PLSCR2: variants seen among roughly 807,000 people sequenced by gnomAD.
PLSCR2 encodes the protein PL scramblase 2.
PLSCR2 carries 18 observed loss-of-function variants against 25.3 expected under a neutral mutation model. The observed-to-expected ratio is 0.71, with a 90% confidence interval of 0.49 to 1.06. The LOEUF is 1.06. PLSCR2 is among the 50% of genes least tolerant of loss of function. The probability of loss-of-function intolerance (pLI) is 0.00; values close to 1 mark genes in which losing one functional copy is unlikely to be tolerated. For missense variants in PLSCR2, 243 were observed against 269.5 expected (o/e 0.90, Z 0.69); for synonymous variants, 88 against 87.3 (o/e 1.01, Z -0.04).
At chr3:146,441,312 AT>A (rs925646526), downstream of PLSCR2, among the ~76,000 whole-genome samples, 4 of 152,088 alleles carry the variant, frequency 2.6e-5, no homozygotes, top group African/African-American at 9.7e-5. Flanking sequence ...AATTGTGTCA[AT>A]TTTTAAGTTG....
chr3:146,494,158 T>C (rs2043662090), intron 1 of PLSCR2, among the ~76,000 whole-genome samples: 1 of 152,098 alleles, frequency 6.6e-6, no homozygotes, highest in Admixed American at 6.5e-5. Context: ...GTTTTGACCA[T>C]TTTTACCTGG....
chr3:146,475,215 G>A (rs572695495), intron 1 of PLSCR2, among the ~76,000 whole-genome samples: 2 of 152,146 alleles, frequency 1.3e-5, no homozygotes, highest in South Asian at 2.1e-4. Context: ...GGGGGGAGAA[G>A]AGGCACTCTG....
Position 146,477,713 on chromosome 3 carries a change from A to G in PLSCR2, c.-292-17429T>C, listed in dbSNP as rs565070243. Among the ~76,000 whole-genome samples the G allele has an allele frequency of 2.0e-5, 3 of 152,352 alleles. No homozygotes were observed. The East Asian group carries it at 5.8e-4, about 29-fold the overall frequency. ...TGCAGACTTAAACACCCTGTCTGAC[A>G]GCTCTGAAGAGAGCAGTGGTTCTCC... On this transcript the variant is annotated intron_variant, in intron 1 of 8. Transcript: ENST00000336685.
chr3:146,431,226 A>G (rs560408716), downstream of PLSCR2, among the ~76,000 whole-genome samples: 11 of 152,322 alleles, frequency 7.2e-5, no homozygotes, highest in South Asian at 2.1e-3. Flanking sequence ...CCCCTCACTA[A>G]GCCACTTAAG....
chr3:146,423,692 C>A (rs778527884), intron 2 of PLSCR2, among the ~76,000 whole-genome samples: 2 of 151,976 alleles, frequency 1.3e-5, no homozygotes, highest in East Asian at 1.9e-4. Context: ...GGTGGACCAA[C>A]GTAATTCCAA....
At chr3:146,479,570 A>G (rs560730887) in intron 1 of PLSCR2, among the ~76,000 whole-genome samples, 1 of 152,330 alleles carries the variant, frequency 6.6e-6, no homozygotes, top group South Asian at 2.1e-4. Flanking sequence ...CACCCAGTAC[A>G]GGAGCATTCA....
intron 3 of PLSCR2, among the ~76,000 whole-genome samples, chr3:146,457,158 TAATGA>T (rs1440045688): frequency 6.6e-6 from 1 of 152,238 alleles, no homozygotes; most frequent in Admixed American, 6.5e-5. Context: ...TTGTATATGT[TAATGA>T]AATTCATTAC....
intron 1 of PLSCR2, among the ~76,000 whole-genome samples, chr3:146,486,637 G>A (rs1484049076): frequency 1.3e-5 from 2 of 151,802 alleles, no homozygotes; most frequent in Non-Finnish European, 2.9e-5. Flanking sequence ...TTGAATCCTT[G>A]AATAGACCAA....
intron 1 of PLSCR2, among the ~76,000 whole-genome samples, chr3:146,489,268 A>T (rs967846479): frequency 6.6e-6 from 1 of 152,068 alleles, no homozygotes; most frequent in Non-Finnish European, 1.5e-5. Context: ...CATGGCACAC[A>T]TTTACCTATG....
intron 1 of PLSCR2, among the ~76,000 whole-genome samples, chr3:146,469,952 G>A (rs1437571933): frequency 6.6e-6 from 1 of 152,104 alleles, no homozygotes; most frequent in Non-Finnish European, 1.5e-5. Flanking sequence ...AAATCATCAG[G>A]CGGGGAGTGG....
intron 2 of PLSCR2, among the ~76,000 whole-genome samples, chr3:146,399,012 C>A (rs2038372130): frequency 6.6e-6 from 1 of 151,866 alleles, no homozygotes; most frequent in East Asian, 1.9e-4. Context: ...GATGTTAGAG[C>A]CCCCTGAGCT....
At chr3:146,481,317 T>G (rs140599964) in intron 1 of PLSCR2, among the ~76,000 whole-genome samples, 4,899 of 152,288 alleles carry the variant, frequency 0.032, 231 homozygotes, top group African/African-American at 0.1. Flanking sequence ...ATGACATGAT[T>G]GTATATTTGG....
chr3:146,416,843 C>G (rs181519184), intron 2 of PLSCR2, among the ~76,000 whole-genome samples: 1 of 152,294 alleles, frequency 6.6e-6, no homozygotes, highest in Non-Finnish European at 1.5e-5. Context: ...AGTACAAGTA[C>G]TAGTTAATAC....
At chr3:146,440,443 G>A (rs150314769), downstream of PLSCR2, among the ~76,000 whole-genome samples, 575 of 152,324 alleles carry the variant, frequency 3.8e-3, 5 homozygotes, top group African/African-American at 0.013. Context: ...CTTCTTGGCT[G>A]CTTTGTTTAC....
intron 3 of PLSCR2, among the ~76,000 whole-genome samples, chr3:146,392,503 T>C (rs1298508895): frequency 6.6e-6 from 1 of 152,060 alleles, no homozygotes; most frequent in Non-Finnish European, 1.5e-5. Flanking sequence ...TTTTTCATAA[T>C]ATTTGTACAT....
At chr3:146,423,282 T>TCTCTCCCC (rs758576585) in intron 2 of PLSCR2, among the ~76,000 whole-genome samples, 16 of 100,960 alleles carry the variant, frequency 1.6e-4, no homozygotes, top group Admixed American at 4.7e-4. Flanking sequence ...TCTCTCTCTC[T>TCTCTCCCC]CCCTGGCTAG....
At chr3:146,392,861 TC>T (rs67565403) in intron 3 of PLSCR2, among the ~76,000 whole-genome samples, 1 of 150,274 alleles carries the variant, frequency 6.7e-6, no homozygotes, top group African/African-American at 2.4e-5. Context: ...TTTTTTTTTT[TC>T]CTAACTTTAT....
At chr3:146,476,100 C>G (rs1416656178) in intron 1 of PLSCR2, among the ~76,000 whole-genome samples, 1 of 151,532 alleles carries the variant, frequency 6.6e-6, no homozygotes, top group Non-Finnish European at 1.5e-5. Flanking sequence ...GGGGGGTGCA[C>G]TGGGCCAAGA....
chr3:146,494,838 T>C (rs2108594400), intron 1 of PLSCR2: 1 of 152,314 alleles, frequency 6.6e-6, no homozygotes, highest in African/African-American at 2.4e-5. Context: ...ATTCAGACTT[T>C]CCATCATGAG....
Sources: gnomAD v4.1 joint callset for allele counts (sites outside exome capture counted in the v4.1 genomes callset) on GRCh38, gnomAD v4.1.1 for gene constraint, MANE v1.5 for transcripts, NCBI Gene and HGNC (gene_info 2026-07-23, HGNC 2026-07-21) for gene names.